The following VPS13A variants were observed in gnomAD, a reference collection of about 807,000 sequenced individuals.
VPS13A encodes the protein intermembrane lipid transfer protein VPS13A.
In VPS13A, 264 loss-of-function variants were observed where a neutral mutation model predicts 390.9. The observed-to-expected ratio is 0.68, with a 90% CI of 0.61 to 0.75. The LOEUF is 0.75. VPS13A is among the 30% of genes least tolerant of loss of function. The pLI, the probability that VPS13A is intolerant of heterozygous loss-of-function variation, is 0.00. For missense variants in VPS13A, 3,409 were observed against 3,733.9 expected, an observed-to-expected ratio of 0.91 and a Z score of 2.27; for synonymous variants, 1,231 against 1,227.1, an observed-to-expected ratio of 1.00 and a Z score of -0.07.
At chr9:77,203,440 G>T (rs562024223) in intron 3 of VPS13A, among the ~76,000 whole-genome samples, 1 of 152,040 alleles carries the variant, frequency 6.6e-6, no homozygotes, top group East Asian at 1.9e-4. Context: ...GGTGTACGCC[G>T]CCATGCCTGG....
intron 68 of VPS13A, 29 bp from the exon 69 acceptor site, chr9:77,403,207 T>A: frequency 1.3e-6 from 2 of 1,534,244 alleles, no homozygotes; most frequent in Non-Finnish European, 1.8e-6. Flanking sequence ...CTATCAATTT[T>A]CTCATTGTCT....
chr9:77,342,387 TTTC>T (rs1441927750), intron 50 of VPS13A, among the ~76,000 whole-genome samples: 7 of 143,086 alleles, frequency 4.9e-5, no homozygotes, highest in Non-Finnish European at 7.6e-5. Flanking sequence ...TGTTTTTCAC[TTTC>T]TTAACTGTCA....
intron 3 of VPS13A, among the ~76,000 whole-genome samples, chr9:77,201,948 C>T (rs768947115): frequency 6.6e-6 from 1 of 152,006 alleles, no homozygotes; most frequent in Non-Finnish European, 1.5e-5. Flanking sequence ...GTTTTAACAT[C>T]TTTAATAAAA....
chr9:77,357,910 T>C (rs1423955635), intron 56 of VPS13A, 72 bp downstream of exon 56: 3 of 1,406,518 alleles, frequency 2.1e-6, no homozygotes, highest in Non-Finnish European at 3.0e-6. Flanking sequence ...TCTATTCCCA[T>C]GGTCTGCTTT....
At chr9:77,351,058 A>C in intron 52 of VPS13A, 1 of 364,738 alleles carries the variant, frequency 2.7e-6, no homozygotes, top group Non-Finnish European at 5.1e-6. Context: ...TTGTATTAAA[A>C]AATTGACAAA....
chr9:77,306,330 G>T (rs1011710910), intron 34 of VPS13A, among the ~76,000 whole-genome samples: 3 of 151,914 alleles, frequency 2.0e-5, no homozygotes, highest in African/African-American at 7.3e-5. Context: ...AAACTTAGAA[G>T]TGAGCCAAAC....
chr9:77,215,774 A>G (rs911342151), intron 10 of VPS13A, among the ~76,000 whole-genome samples: 1 of 152,254 alleles, frequency 6.6e-6, no homozygotes, highest in African/African-American at 2.4e-5. Context: ...ATTGAATGGC[A>G]GGAAATTATC....
In VPS13A at chr9:77,267,601, C is replaced by G. The variant is rs137866303; in HGVS notation, c.2428-5679C>G. On this transcript the variant is annotated intron_variant, in intron 23 of 71. Coordinates refer to ENST00000360280, the MANE Select transcript of VPS13A (RefSeq NM_033305.3). ...GAGCTCTCCTGTATGAGGTGTCTGT[C>G]GACCCCTGCTGGGAGGTGTCTCCCA... Among the ~76,000 whole-genome samples, 1,069 of 152,266 alleles carry G rather than the reference C, an allele frequency of 7.0e-3. 7 individuals are homozygous for G. Among genetic ancestry groups the G allele is most frequent in the South Asian group, 0.01 (50 of 4,828 alleles).
intron 44 of VPS13A, 72 bp downstream of exon 44, chr9:77,321,818 T>C (rs1829766000): frequency 1.9e-6 from 3 of 1,560,622 alleles, no homozygotes; most frequent in Non-Finnish European, 2.6e-6. Flanking sequence ...ATTTTACTCT[T>C]TTGTAGAATC....
intron 68 of VPS13A, chr9:77,382,340 A>C: frequency 6.5e-7 from 1 of 1,533,134 alleles, no homozygotes; most frequent in Non-Finnish European, 8.8e-7. Flanking sequence ...CCAACAGTAG[A>C]TTTTAGTCTT....
intron 12 of VPS13A, 95 bp from the exon 13 acceptor site, chr9:77,221,090 A>G (rs1823182735): frequency 2.5e-6 from 3 of 1,188,324 alleles, no homozygotes; most frequent in Non-Finnish European, 3.7e-6. Context: ...TAATCTTTGT[A>G]TTATAGTTAT....
chr9:77,250,659 T>G (rs1825103791), intron 21 of VPS13A, among the ~76,000 whole-genome samples: 1 of 152,194 alleles, frequency 6.6e-6, no homozygotes, highest in Non-Finnish European at 1.5e-5. Context: ...CCAGAAGACA[T>G]TGCTCAGGGC....
chr9:77,411,984 GA>G (rs1401302667), intron 71 of VPS13A, among the ~76,000 whole-genome samples: 1 of 152,056 alleles, frequency 6.6e-6, no homozygotes, highest in African/African-American at 2.4e-5. Flanking sequence ...AAATAAACTA[GA>G]AAATCTAGAA....
rs1259449031 is a variant in VPS13A, at chr9:77,419,383, T to C, written c.*3377T>C. 2.6e-5 allele frequency: 4 copies of C among 152,190 alleles called. No homozygotes were observed. Among genetic ancestry groups the C allele is most frequent in the Non-Finnish European group, 4.4e-5 (3 of 68,030 alleles). 9.4% of individuals were successfully genotyped at this position (152,190 alleles called of 1,614,324 possible). A position where few individuals can be genotyped will look rare whatever the true frequency, so the allele number is the denominator to read the frequency against. ...ATTTACTGTGTATACTGGGTCACAA[T>C]ATAAAGTGTTTCCTGTTATGAAATG... On this transcript the variant is annotated 3_prime_UTR_variant, in exon 72 of 72. Coordinates refer to ENST00000360280, the MANE Select transcript of VPS13A (RefSeq NM_033305.3).
At chr9:77,381,902 G>C (rs1833458236) in intron 67 of VPS13A, 74 bp from the exon 68 acceptor site, 4 of 922,314 alleles carry the variant, frequency 4.3e-6, no homozygotes, top group Non-Finnish European at 6.7e-6. Flanking sequence ...ATTGTTTTTA[G>C]TAATTGCATT....
At chr9:77,256,879 G>C (rs1430192413) in intron 22 of VPS13A, among the ~76,000 whole-genome samples, 2 of 151,100 alleles carry the variant, frequency 1.3e-5, no homozygotes, top group Non-Finnish European at 2.9e-5. Context: ...TTTAACCTGT[G>C]TGTTTTCTAT....
At chr9:77,232,142 A>T (rs1373142477) in intron 17 of VPS13A, among the ~76,000 whole-genome samples, 1 of 152,138 alleles carries the variant, frequency 6.6e-6, no homozygotes, top group South Asian at 2.1e-4. Flanking sequence ...CATTATACCA[A>T]TATCGTACTG....
intron 52 of VPS13A, 99 bp from the exon 53 acceptor site, chr9:77,351,218 C>T: frequency 6.8e-7 from 1 of 1,473,776 alleles, no homozygotes; most frequent in Non-Finnish European, 9.4e-7. Context: ...GATCACAGAT[C>T]TCAGTGAACT....
chr9:77,219,866 G>A (rs1590019731), intron 10 of VPS13A, 88 bp from the exon 11 acceptor site: 1 of 1,390,870 alleles, frequency 7.2e-7, no homozygotes, highest in East Asian at 2.3e-5. Context: ...AAAATAAATG[G>A]AAATCAGTGT....
Sources: gnomAD v4.1 joint callset for allele counts (sites outside exome capture counted in the v4.1 genomes callset) on GRCh38, gnomAD v4.1.1 for gene constraint, MANE v1.5 for transcripts, NCBI Gene and HGNC (gene_info 2026-07-23, HGNC 2026-07-21) for gene names.